FOXP2: variants seen among roughly 807,000 people sequenced by gnomAD.
FOXP2 encodes forkhead box P2.
In FOXP2, 12 loss-of-function variants were observed where a neutral mutation model predicts 115.8. That is an observed-to-expected ratio of 0.10 (90% confidence interval 0.07 to 0.17). The LOEUF is 0.17. FOXP2 is among the 10% of genes least tolerant of loss of function. The probability of loss-of-function intolerance (pLI) is 1.00; values close to 1 mark genes in which losing one functional copy is unlikely to be tolerated. For missense variants in FOXP2, 629 were observed against 843.5 expected (o/e 0.75, Z 3.15); for synonymous variants, 328 against 297.7 (o/e 1.10, Z -1.05).
At chr7:114,196,927 C>T (rs1033866766) in intron 1 of FOXP2, among the ~76,000 whole-genome samples, 11 of 152,170 alleles carry the variant, frequency 7.2e-5, no homozygotes, top group South Asian at 2.1e-4. Context: ...CATGGTTGCT[C>T]ATGCCTATAA....
chr7:114,324,143 A>G (rs911172354), intron 2 of FOXP2, among the ~76,000 whole-genome samples: 1 of 151,784 alleles, frequency 6.6e-6, no homozygotes, highest in Non-Finnish European at 1.5e-5. Flanking sequence ...AGCATTGTAA[A>G]TCCTCCTATT....
At chr7:114,399,118 T>TTC (rs1046446057) in intron 2 of FOXP2, among the ~76,000 whole-genome samples, 1 of 151,032 alleles carries the variant, frequency 6.6e-6, no homozygotes, top group South Asian at 2.1e-4. Flanking sequence ...CTTTTTCTTT[T>TTC]TTTTTTTTTT....
intron 2 of FOXP2, among the ~76,000 whole-genome samples, chr7:114,383,163 T>A (rs1169134430): frequency 6.6e-6 from 1 of 152,200 alleles, no homozygotes; most frequent in Non-Finnish European, 1.5e-5. Flanking sequence ...TGATATTATA[T>A]CTCTCCATGT....
intron 3 of FOXP2, among the ~76,000 whole-genome samples, chr7:114,619,783 G>A (rs1804145837): frequency 6.6e-6 from 1 of 151,938 alleles, no homozygotes; most frequent in African/African-American, 2.4e-5. Context: ...CCAAATATGA[G>A]TTATATTATT....
chr7:114,544,570 ACAT>A (rs1418964793), intron 3 of FOXP2, among the ~76,000 whole-genome samples: 1 of 152,236 alleles, frequency 6.6e-6, no homozygotes, highest in Non-Finnish European at 1.5e-5. Context: ...TGCCACCTTG[ACAT>A]CTTCTACTGC....
At position 114,278,253 on chromosome 7, in the gene FOXP2, T is replaced by G. The variant is rs149418744; in HGVS notation, c.-101-9766T>G. Reference sequence around the variant, plus strand: ...ATGCCAGCCTGAAATTTGGATTATCTATATTATAATACATCCTTCTATTGA... The same window carrying G: ...ATGCCAGCCTGAAATTTGGATTATCGATATTATAATACATCCTTCTATTGA... On this transcript the variant is annotated intron_variant, in intron 1 of 17. Transcript: ENST00000634411. Among the ~76,000 whole-genome samples the G allele has an allele frequency of 1.4e-4, 21 of 152,250 alleles. No individual in the cohort carries two copies. In the East Asian group the frequency reaches 3.9e-3, roughly 28 times the overall value.
intron 3 of FOXP2, among the ~76,000 whole-genome samples, chr7:114,583,078 G>A (rs556537226): frequency 1.8e-4 from 28 of 152,280 alleles, no homozygotes; most frequent in African/African-American, 6.5e-4. Flanking sequence ...AGAGTCCACA[G>A]TTGAAAAACT....
chr7:114,286,503 T>A (rs1220670979), intron 1 of FOXP2, among the ~76,000 whole-genome samples: 1 of 152,014 alleles, frequency 6.6e-6, no homozygotes, highest in Non-Finnish European at 1.5e-5. Flanking sequence ...TATGAAATAA[T>A]TTAGACTTAT....
intron 1 of FOXP2, among the ~76,000 whole-genome samples, chr7:114,275,901 A>T (rs1384838916): frequency 6.6e-6 from 1 of 152,132 alleles, no homozygotes; most frequent in Non-Finnish European, 1.5e-5. Context: ...TTGATTGTGA[A>T]CTTCACAAGT....
chr7:114,439,714 A>T (rs754851011), intron 2 of FOXP2, among the ~76,000 whole-genome samples: 2 of 151,288 alleles, frequency 1.3e-5, no homozygotes, highest in Admixed American at 6.6e-5. Context: ...CTAGCTCCTA[A>T]TTTTTTTTGT....
rs1808585431 is a variant in FOXP2, at chr7:114,690,130, T to C, written c.*204T>C. 1 of 56,362 alleles carries C rather than the reference T, an allele frequency of 1.8e-5. No individual in the cohort carries two copies. The highest frequency in any genetic ancestry group is 4.1e-5 in the Non-Finnish European group (1 of 24,584). The allele number at this position is 56,362 out of a possible 1,614,324, so 3.5% of individuals were successfully genotyped here. A position where few individuals can be genotyped will look rare whatever the true frequency, so the allele number is the denominator to read the frequency against. On this transcript the variant is annotated 3_prime_UTR_variant, in exon 17 of 17. Transcript: ENST00000350908. ...GCTTGTTTTCTTCTTCTTCTTCTTC[T>C]TTTTTTTTTTTTTTTTAGAAAAAAA...
intron 2 of FOXP2, among the ~76,000 whole-genome samples, chr7:114,356,805 A>G (rs1791628504): frequency 6.6e-6 from 1 of 152,182 alleles, no homozygotes; most frequent in Admixed American, 6.6e-5. Context: ...AGATGTAGAT[A>G]TTTATTAAAT....
intron 6 of FOXP2, among the ~76,000 whole-genome samples, chr7:114,636,048 C>G (rs970972926): frequency 6.6e-6 from 1 of 152,050 alleles, no homozygotes; most frequent in Non-Finnish European, 1.5e-5. Context: ...TTTAATTCAC[C>G]TCTCATTAGA....
intron 2 of FOXP2, among the ~76,000 whole-genome samples, chr7:114,289,076 A>C (rs1035596817): frequency 6.6e-6 from 1 of 151,810 alleles, no homozygotes; most frequent in Non-Finnish European, 1.5e-5. Flanking sequence ...GATTTTTGTC[A>C]ATGTTCTTTA....
intron 2 of FOXP2, among the ~76,000 whole-genome samples, chr7:114,450,023 A>T (rs1251259178): frequency 6.6e-6 from 1 of 152,116 alleles, no homozygotes; most frequent in Non-Finnish European, 1.5e-5. Flanking sequence ...AAATATATGA[A>T]AAAGTATTCT....
intron 2 of FOXP2, among the ~76,000 whole-genome samples, chr7:114,376,119 A>C (rs1322288677): frequency 6.6e-6 from 1 of 152,170 alleles, no homozygotes; most frequent in Non-Finnish European, 1.5e-5. Flanking sequence ...TGTTTCAGAC[A>C]AGAGAAAGGA....
intron 2 of FOXP2, among the ~76,000 whole-genome samples, chr7:114,513,975 C>A (rs933329412): frequency 4.6e-5 from 7 of 151,888 alleles, no homozygotes; most frequent in African/African-American, 1.7e-4. Context: ...GGCCATACCC[C>A]AGTACAAATT....
At chr7:114,360,790 A>G (rs943094898) in intron 2 of FOXP2, among the ~76,000 whole-genome samples, 1 of 152,216 alleles carries the variant, frequency 6.6e-6, no homozygotes, top group African/African-American at 2.4e-5. Context: ...AGTTTAAGAT[A>G]CAGAAAATAT....
chr7:114,263,095 C>A (rs1261400863), intron 1 of FOXP2, among the ~76,000 whole-genome samples: 1 of 152,124 alleles, frequency 6.6e-6, no homozygotes, highest in Non-Finnish European at 1.5e-5. Context: ...TAATTTTCTC[C>A]CAGCTTCCCT....
Sources: gnomAD v4.1 joint callset for allele counts (sites outside exome capture counted in the v4.1 genomes callset) on GRCh38, gnomAD v4.1.1 for gene constraint, MANE v1.5 for transcripts, NCBI Gene and HGNC (gene_info 2026-07-23, HGNC 2026-07-21) for gene names.